The following KCNIP4 variants were observed in gnomAD, a reference collection of about 807,000 sequenced individuals.
KCNIP4 encodes the protein potassium voltage-gated channel interacting protein 4.
Under a neutral mutation model 34.0 loss-of-function variants are expected in KCNIP4, and 12 were observed. The observed-to-expected ratio is 0.35, with a 90% CI of 0.23 to 0.57. KCNIP4 has a LOEUF of 0.57. Among genes scored for constraint, KCNIP4 ranks in the 20% least tolerant of loss-of-function variants. The pLI is 0.83. For synonymous variants in KCNIP4, 124 were observed against 102.2 expected (o/e 1.21, Z -1.29); for missense variants, 238 against 311.7 (o/e 0.76, Z 1.78).
At chr4:21,930,697 C>T (rs1414213120) in intron 1 of KCNIP4, among the ~76,000 whole-genome samples, 1 of 152,124 alleles carries the variant, frequency 6.6e-6, no homozygotes, top group African/African-American at 2.4e-5. Flanking sequence ...AATCTCAACA[C>T]AGTTTTTTAA....
chr4:20,979,990 G>A lies in KCNIP4; in HGVS notation c.62-97281C>T, dbSNP rs572022549. Among the ~76,000 whole-genome samples, 14 of 152,254 alleles carry A rather than the reference G, an allele frequency of 9.2e-5. No individual in the cohort carries two copies. In the South Asian group the frequency reaches 2.9e-3, roughly 32 times the overall value. On this transcript the variant is annotated intron_variant, in intron 1 of 8. Coordinates refer to ENST00000382152, the MANE Select transcript of KCNIP4 (RefSeq NM_025221.6). ...ATTCACAGCTCAATTTCCTTGCTCA[G>A]CTTGGAATCTTCTTCCTGGATTTTC...
intron 2 of KCNIP4, among the ~76,000 whole-genome samples, chr4:20,880,489 C>T (rs747298986): frequency 5.3e-5 from 8 of 151,684 alleles, no homozygotes; most frequent in Non-Finnish European, 8.8e-5. Flanking sequence ...ATTTTTTTTC[C>T]TCTCAAAACA....
At chr4:21,682,504 G>A (rs552331280) in intron 1 of KCNIP4, among the ~76,000 whole-genome samples, 119 of 152,196 alleles carry the variant, frequency 7.8e-4, no homozygotes, top group Non-Finnish European at 1.0e-3. Context: ...TACTATTCAT[G>A]TCTTCACTAG....
chr4:21,234,354 A>T (rs1484132770), intron 1 of KCNIP4, among the ~76,000 whole-genome samples: 1 of 105,508 alleles, frequency 9.5e-6, no homozygotes, highest in Non-Finnish European at 1.8e-5. Context: ...TACATTATAT[A>T]TAACATATAT....
intron 1 of KCNIP4, among the ~76,000 whole-genome samples, chr4:21,216,388 CTAACTA>C (rs745459716): frequency 5.3e-5 from 8 of 152,174 alleles, no homozygotes; most frequent in Non-Finnish European, 8.8e-5. Flanking sequence ...TTCCTAAACA[CTAACTA>C]TAAGTGTGTT....
intron 1 of KCNIP4, among the ~76,000 whole-genome samples, chr4:21,693,104 T>TATTACCTTCTCTTCAGA (rs1711863775): frequency 1.1e-5 from 1 of 94,904 alleles, no homozygotes; most frequent in African/African-American, 4.1e-5. Context: ...TAGGATCACC[T>TATTACCTTCTCTTCAGA]CTTCCAGACA....
At chr4:20,917,412 T>C (rs958277681) in intron 1 of KCNIP4, among the ~76,000 whole-genome samples, 1 of 152,174 alleles carries the variant, frequency 6.6e-6, no homozygotes, top group African/African-American at 2.4e-5. Context: ...TTCTCTGTTT[T>C]ATGAAATGTC....
chr4:21,365,417 G>A (rs760991130), intron 1 of KCNIP4, among the ~76,000 whole-genome samples: 1 of 151,270 alleles, frequency 6.6e-6, no homozygotes, highest in Non-Finnish European at 1.5e-5. Flanking sequence ...CCTGAAGGGT[G>A]CAGTGAGCCA....
intron 1 of KCNIP4, among the ~76,000 whole-genome samples, chr4:21,361,181 C>T (rs958635110): frequency 6.6e-6 from 1 of 152,048 alleles, no homozygotes; most frequent in African/African-American, 2.4e-5. Flanking sequence ...TAAAGACAAG[C>T]ACTGGAGTCA....
chr4:21,284,210 C>T (rs2109180332), intron 1 of KCNIP4, among the ~76,000 whole-genome samples: 1 of 145,646 alleles, frequency 6.9e-6, no homozygotes, highest in South Asian at 2.2e-4. Flanking sequence ...GAGACTCCGT[C>T]TCAAAAAAAA....
At chr4:21,035,063 C>G (rs1741335530) in intron 1 of KCNIP4, among the ~76,000 whole-genome samples, 1 of 152,204 alleles carries the variant, frequency 6.6e-6, no homozygotes, top group South Asian at 2.1e-4. Flanking sequence ...CCTTGCCTCT[C>G]AACTACATTT....
chr4:21,106,294 G>GGCTCTT (rs1748525046), intron 1 of KCNIP4, among the ~76,000 whole-genome samples: 1 of 151,728 alleles, frequency 6.6e-6, no homozygotes, highest in Admixed American at 6.5e-5. Context: ...TCTATTCAGA[G>GGCTCTT]ATTCAGCCTC....
At chr4:21,229,270 G>T (rs1758628516) in intron 1 of KCNIP4, among the ~76,000 whole-genome samples, 1 of 152,102 alleles carries the variant, frequency 6.6e-6, no homozygotes, top group African/African-American at 2.4e-5. Flanking sequence ...ATTCTCTAGA[G>T]ATCATTCCAC....
At chr4:20,860,007 A>C (rs988419927) in intron 2 of KCNIP4, among the ~76,000 whole-genome samples, 6 of 152,232 alleles carry the variant, frequency 3.9e-5, no homozygotes, top group African/African-American at 7.2e-5. Context: ...GGTCCTGCCA[A>C]AATACGGGAA....
At chr4:21,276,711 T>C (rs949025859) in intron 1 of KCNIP4, among the ~76,000 whole-genome samples, 2 of 152,176 alleles carry the variant, frequency 1.3e-5, no homozygotes, top group African/African-American at 4.8e-5. Context: ...TTGTTTGTAA[T>C]GACAGTGGCC....
At chr4:21,228,752 C>T (rs1397628706) in intron 1 of KCNIP4, among the ~76,000 whole-genome samples, 1 of 152,140 alleles carries the variant, frequency 6.6e-6, no homozygotes, top group African/African-American at 2.4e-5. Flanking sequence ...TGTTCTCCTC[C>T]CTTCCATATA....
intron 1 of KCNIP4, among the ~76,000 whole-genome samples, chr4:21,278,603 T>C (rs1483529816): frequency 6.6e-6 from 1 of 152,124 alleles, no homozygotes; most frequent in Non-Finnish European, 1.5e-5. Context: ...TAAATGCCCA[T>C]CAGTGACAGA....
chr4:21,921,054 T>C (rs891481602), intron 1 of KCNIP4, among the ~76,000 whole-genome samples: 1 of 152,172 alleles, frequency 6.6e-6, no homozygotes, highest in African/African-American at 2.4e-5. Flanking sequence ...GTGCTTGAGT[T>C]TTCCTTGTTT....
At chr4:21,541,027 C>T (rs1265552104) in intron 1 of KCNIP4, among the ~76,000 whole-genome samples, 1 of 151,778 alleles carries the variant, frequency 6.6e-6, no homozygotes, top group East Asian at 2.0e-4. Flanking sequence ...AAAAATTTGC[C>T]AGGCATGGTG....
Sources: allele counts gnomAD v4.1 joint callset (sites outside exome capture counted in the v4.1 genomes callset), GRCh38; gene constraint gnomAD v4.1.1; transcripts MANE v1.5; gene names NCBI Gene and HGNC (gene_info 2026-07-23, HGNC 2026-07-21).